Variants in LYPD6 observed in about 807,000 individuals in gnomAD.
The protein encoded by LYPD6 is LY6/PLAUR domain containing 6.
A neutral mutation model predicts 22.7 loss-of-function variants in LYPD6; 15 were observed. That is an observed-to-expected ratio of 0.66 (90% confidence interval 0.44 to 1.02). LYPD6 has a LOEUF of 1.02. Ranked by LOEUF, LYPD6 falls within the 50% of genes least tolerant of loss-of-function variation. The pLI, the probability that LYPD6 is intolerant of heterozygous loss-of-function variation, is 0.00. For synonymous variants in LYPD6, 72 were observed against 77.5 expected (o/e 0.93, Z 0.37); for missense variants, 189 against 208.4 (o/e 0.91, Z 0.57).
chr2:149,447,174 T>G (rs1256798458), intron 2 of LYPD6, among the ~76,000 whole-genome samples: 1 of 152,184 alleles, frequency 6.6e-6, no homozygotes, highest in African/African-American at 2.4e-5. Flanking sequence ...TAAGAAGCAA[T>G]TAAATGCACA....
chr2:149,339,279 G>T (rs1681115097), intron 1 of LYPD6, among the ~76,000 whole-genome samples: 1 of 152,126 alleles, frequency 6.6e-6, no homozygotes, highest in Non-Finnish European at 1.5e-5. Context: ...TTCTTGAAAT[G>T]GTCCACGGCT....
At chr2:149,421,256 G>A (rs1005517294) in intron 1 of LYPD6, among the ~76,000 whole-genome samples, 11 of 152,058 alleles carry the variant, frequency 7.2e-5, no homozygotes, top group African/African-American at 2.7e-4. Flanking sequence ...CCGGCCTGGT[G>A]GCGCATGCCT....
chr2:149,437,555 A>G lies in LYPD6; in HGVS notation c.-71-83A>G, dbSNP rs934310336. Reference sequence around the variant, plus strand: ...CTTGTGCCCTGTTGCTCTCCATCCCATCTTACCAGCATGGGAGCTCAGCCA... The same window carrying G: ...CTTGTGCCCTGTTGCTCTCCATCCCGTCTTACCAGCATGGGAGCTCAGCCA... On this transcript the variant is annotated intron_variant, in intron 1 of 4. Coordinates refer to ENST00000334166, the MANE Select transcript of LYPD6 (RefSeq NM_194317.5). The G allele has an allele frequency of 4.2e-5, 52 of 1,230,118 alleles. No individual in the cohort carries two copies. The South Asian group carries it at 7.2e-4, about 17-fold the overall frequency. 76.2% of individuals were successfully genotyped at this position (1,230,118 alleles called of 1,614,324 possible).
At position 149,468,697 on chromosome 2, in the gene LYPD6, C is replaced by G; in HGVS notation, c.270C>G (p.Ile90Met). ...CAATGGAAGTCACAGGAAACAGTAT[C>G]TCAGTCACCAAACGCTGTGTCCCAC... ...QHTMEVTGNS[I>M]SVTKRCVPLE... The change falls in exon 4 of 5, where the codon ATC (isoleucine) becomes ATG (methionine). Residue 90 changes from isoleucine to methionine, a missense_variant. By Grantham distance (10) the Ile-to-Met change is conservative. Transcript: ENST00000334166. 1 of 1,613,688 alleles carries G rather than the reference C, an allele frequency of 6.2e-7. No homozygotes were observed. Among genetic ancestry groups the G allele is most frequent in the Non-Finnish European group, 8.5e-7 (1 of 1,179,676 alleles).
intron 1 of LYPD6, among the ~76,000 whole-genome samples, chr2:149,372,038 C>T (rs1399066277): frequency 1.3e-5 from 2 of 152,110 alleles, no homozygotes; most frequent in Non-Finnish European, 2.9e-5. Context: ...AGAGCGGAGG[C>T]ATTCCAGGGA....
chr2:149,353,718 C>T (rs115309420), intron 1 of LYPD6, among the ~76,000 whole-genome samples: 63 of 152,112 alleles, frequency 4.1e-4, no homozygotes, highest in African/African-American at 1.5e-3. Context: ...AAAATTTGTT[C>T]ATATGTGACT....
chr2:149,438,174 C>T (rs902142106), intron 2 of LYPD6, among the ~76,000 whole-genome samples: 1 of 152,182 alleles, frequency 6.6e-6, no homozygotes. Context: ...ATCCTTTATA[C>T]GTAAGATAAT....
intron 1 of LYPD6, among the ~76,000 whole-genome samples, chr2:149,397,481 A>G (rs1362112835): frequency 6.6e-6 from 1 of 152,172 alleles, no homozygotes; most frequent in African/African-American, 2.4e-5. Flanking sequence ...ACATTCTATG[A>G]GGTGGAAGAA....
intron 1 of LYPD6, among the ~76,000 whole-genome samples, chr2:149,391,448 TA>T (rs1303524003): frequency 6.6e-6 from 1 of 152,074 alleles, no homozygotes; most frequent in Non-Finnish European, 1.5e-5. Flanking sequence ...TGGATCTTCA[TA>T]TGCTTGTGGG....
Position 149,350,002 on chromosome 2 carries a change from G to T in LYPD6, c.-72+19280G>T, listed in dbSNP as rs184526695. On this transcript the variant is annotated intron_variant, in intron 1 of 4. Transcript: ENST00000334166. ...GGCAGATTATTGAATAACTTTACTT[G>T]CCTGGTGATAAATCTAAGGTGCATG... Among the ~76,000 whole-genome samples the T allele has an allele frequency of 2.6e-4, 40 of 152,194 alleles. 1 individual carries two copies. The East Asian group carries it at 7.5e-3, about 29-fold the overall frequency.
intron 1 of LYPD6, among the ~76,000 whole-genome samples, chr2:149,347,120 G>A (rs114290489): frequency 3.7e-4 from 57 of 152,214 alleles, no homozygotes; most frequent in African/African-American, 1.3e-3. Flanking sequence ...TACATGGGGT[G>A]GGGTTGGAGG....
At chr2:149,400,299 CTTGAA>C (rs894097311) in intron 1 of LYPD6, among the ~76,000 whole-genome samples, 26 of 152,318 alleles carry the variant, frequency 1.7e-4, no homozygotes, top group Admixed American at 8.5e-4. Flanking sequence ...TTTGAGAACC[CTTGAA>C]TTGTTTCCTG....
At position 149,399,236 on chromosome 2, in the gene LYPD6, T is replaced by C. The variant is rs78181838; in HGVS notation, c.-71-38402T>C. Among the ~76,000 whole-genome samples, 1,203 of 152,310 alleles carry C rather than the reference T, an allele frequency of 7.9e-3. 7 individuals are homozygous for C. Among genetic ancestry groups the C allele is most frequent in the African/African-American group, 0.028 (1,162 of 41,566 alleles). ...TTCTTCTAATGAAACTGCAACAGTG[T>C]TATTAGTACCTGTAACTTTGTCAGC... On this transcript the variant is annotated intron_variant, in intron 1 of 4. Coordinates refer to ENST00000334166, the MANE Select transcript of LYPD6 (RefSeq NM_194317.5).
intron 1 of LYPD6, among the ~76,000 whole-genome samples, chr2:149,331,130 A>G (rs146823394): frequency 0.02 from 2,982 of 152,232 alleles, 97 homozygotes; most frequent in African/African-American, 0.068. Context: ...GCAGCACCCC[A>G]CATGTTGCTG....
chr2:149,393,116 G>A (rs1682350687), intron 1 of LYPD6, among the ~76,000 whole-genome samples: 1 of 152,226 alleles, frequency 6.6e-6, no homozygotes, highest in Non-Finnish European at 1.5e-5. Context: ...TGATTGAGCA[G>A]AATCTCACAC....
chr2:149,466,071 A>G (rs1478177345), intron 3 of LYPD6, among the ~76,000 whole-genome samples: 1 of 152,180 alleles, frequency 6.6e-6, no homozygotes. Context: ...ATAGAGAACA[A>G]TGCTCTGTGG....
chr2:149,417,888 T>A (rs1029817404), intron 1 of LYPD6, among the ~76,000 whole-genome samples: 5 of 152,202 alleles, frequency 3.3e-5, no homozygotes, highest in Non-Finnish European at 5.9e-5. Context: ...CTAATACATA[T>A]TAGACACAGT....
At chr2:149,421,837 C>G (rs1257030564) in intron 1 of LYPD6, among the ~76,000 whole-genome samples, 2 of 152,104 alleles carry the variant, frequency 1.3e-5, no homozygotes, top group African/African-American at 4.8e-5. Flanking sequence ...AAACCGTTTT[C>G]TCCTTTTATA....
At chr2:149,462,207 G>A (rs1012144488) in intron 3 of LYPD6, among the ~76,000 whole-genome samples, 4 of 151,904 alleles carry the variant, frequency 2.6e-5, no homozygotes, top group South Asian at 2.1e-4. Flanking sequence ...TAGGATATAC[G>A]ATAAATTGAG....
Sources: gnomAD v4.1 joint callset for allele counts (sites outside exome capture counted in the v4.1 genomes callset) on GRCh38, gnomAD v4.1.1 for gene constraint, MANE v1.5 for transcripts, NCBI Gene and HGNC (gene_info 2026-07-23, HGNC 2026-07-21) for gene names.